PDE10A: variants seen among roughly 807,000 people sequenced by gnomAD.
PDE10A encodes the protein phosphodiesterase 10A.
In PDE10A, 39 loss-of-function variants were observed where a neutral mutation model predicts 97.7. The observed-to-expected ratio is 0.40, with a 90% CI of 0.31 to 0.52. The LOEUF (loss-of-function observed/expected upper bound fraction) is 0.52, where lower values mean the gene tolerates loss of function less well. Among genes scored for constraint, PDE10A ranks in the 20% least tolerant of loss-of-function variants. The pLI is 0.56. For missense variants in PDE10A, 731 were observed against 1,047.8 expected (o/e 0.70, Z 4.17); for synonymous variants, 371 against 376.8 (o/e 0.98, Z 0.18).
chr6:165,831,546 C>T (rs1416520678), intron 1 of PDE10A, among the ~76,000 whole-genome samples: 7 of 146,646 alleles, frequency 4.8e-5, no homozygotes, highest in Non-Finnish European at 9.0e-5. Context: ...GGCACGATCT[C>T]GGCTCACTGC....
chr6:165,973,423 A>ACT (rs1554233524), intron 1 of PDE10A, among the ~76,000 whole-genome samples: 1 of 147,522 alleles, frequency 6.8e-6, no homozygotes. Flanking sequence ...CAAAAAAAAA[A>ACT]AAAATAAAAT....
At chr6:165,399,288 A>T (rs1786435597) in intron 13 of PDE10A, among the ~76,000 whole-genome samples, 1 of 152,182 alleles carries the variant, frequency 6.6e-6, no homozygotes, top group Non-Finnish European at 1.5e-5. Flanking sequence ...ACCCAATCAA[A>T]ATCCCAGTAG....
intron 13 of PDE10A, among the ~76,000 whole-genome samples, chr6:165,407,951 G>A (rs1787347853): frequency 6.6e-6 from 1 of 152,136 alleles, no homozygotes; most frequent in Admixed American, 6.6e-5. Context: ...TAAATAAAAG[G>A]AATGTATTCA....
At chr6:165,644,116 C>T (rs754398123) in intron 1 of PDE10A, among the ~76,000 whole-genome samples, 1 of 152,112 alleles carries the variant, frequency 6.6e-6, no homozygotes. Context: ...AGTGCAGTGG[C>T]GTGATCTTGG....
At chr6:165,922,222 A>G (rs1468508724) in intron 1 of PDE10A, among the ~76,000 whole-genome samples, 1 of 152,304 alleles carries the variant, frequency 6.6e-6, no homozygotes, top group African/African-American at 2.4e-5. Flanking sequence ...CACAATTTCC[A>G]ATATCATTGA....
At chr6:165,667,365 T>C (rs1428574195), upstream of PDE10A, among the ~76,000 whole-genome samples, 1 of 152,182 alleles carries the variant, frequency 6.6e-6, no homozygotes, top group East Asian at 1.9e-4. Flanking sequence ...AAATTATTTT[T>C]ATTAATTCCA....
At chr6:165,376,576 A>T (rs9459405) in intron 18 of PDE10A, among the ~76,000 whole-genome samples, 1,634 of 152,342 alleles carry the variant, frequency 0.011, 27 homozygotes, top group African/African-American at 0.038. Flanking sequence ...TGAAAGGAAG[A>T]GTCCATTGAT....
chr6:165,519,243 C>T (rs1781994402), intron 2 of PDE10A, among the ~76,000 whole-genome samples: 1 of 151,958 alleles, frequency 6.6e-6, no homozygotes, highest in African/African-American at 2.4e-5. Context: ...TGACCGACTA[C>T]CCCCAAGAGG....
chr6:165,798,085 A>G (rs985147030), intron 1 of PDE10A, among the ~76,000 whole-genome samples: 1 of 152,246 alleles, frequency 6.6e-6, no homozygotes, highest in Admixed American at 6.5e-5. Context: ...TCTTTAAAAC[A>G]TACTTGAATA....
chr6:165,822,910 C>T (rs890295499), intron 1 of PDE10A, among the ~76,000 whole-genome samples: 6 of 152,094 alleles, frequency 3.9e-5, no homozygotes, highest in Admixed American at 1.3e-4. Context: ...TCTCAGCTCA[C>T]TGCAAGCTCC....
At chr6:165,769,624 C>A (rs910367152) in intron 1 of PDE10A, among the ~76,000 whole-genome samples, 2 of 152,134 alleles carry the variant, frequency 1.3e-5, no homozygotes, top group Non-Finnish European at 2.9e-5. Context: ...TAGTTTTTTT[C>A]TACCCTGTGA....
chr6:165,385,842 G>A (rs552020617), intron 17 of PDE10A, among the ~76,000 whole-genome samples: 4 of 152,128 alleles, frequency 2.6e-5, no homozygotes, highest in South Asian at 2.1e-4. Context: ...TTGGTCAATC[G>A]AACATATAAA....
chr6:165,593,699 T>G (rs570324556), intron 1 of PDE10A, among the ~76,000 whole-genome samples: 1 of 152,240 alleles, frequency 6.6e-6, no homozygotes, highest in African/African-American at 2.4e-5. Context: ...AAACATTTTA[T>G]TATAACTTGC....
intron 1 of PDE10A, among the ~76,000 whole-genome samples, chr6:165,706,726 A>T (rs1223522720): frequency 6.6e-6 from 1 of 152,204 alleles, no homozygotes; most frequent in Non-Finnish European, 1.5e-5. Context: ...TTTGTGAACT[A>T]ATATTAGGAG....
At chr6:165,680,685 C>T (rs1790950769) in intron 1 of PDE10A, among the ~76,000 whole-genome samples, 3 of 152,168 alleles carry the variant, frequency 2.0e-5, no homozygotes, top group African/African-American at 7.2e-5. Flanking sequence ...GGGCAGATCA[C>T]TTGAGGTCAA....
At chr6:165,586,222 A>G (rs946769108) in intron 1 of PDE10A, among the ~76,000 whole-genome samples, 23 of 152,348 alleles carry the variant, frequency 1.5e-4, no homozygotes, top group African/African-American at 5.3e-4. Flanking sequence ...CCTTAGCTCA[A>G]GTAAACTTTT....
At chr6:165,545,231 T>G in intron 1 of PDE10A, 1 of 502,740 alleles carries the variant, frequency 2.0e-6, no homozygotes, top group Non-Finnish European at 3.9e-6. Context: ...TCTTCAACAA[T>G]CCATAATGAC....
intron 1 of PDE10A, among the ~76,000 whole-genome samples, chr6:165,877,679 A>G (rs1781379456): frequency 6.6e-6 from 1 of 152,164 alleles, no homozygotes; most frequent in Non-Finnish European, 1.5e-5. Context: ...AAAAAATCTT[A>G]TCTTAATGTG....
At chr6:165,607,346 T>C (rs560397840) in intron 1 of PDE10A, among the ~76,000 whole-genome samples, 4 of 152,338 alleles carry the variant, frequency 2.6e-5, no homozygotes, top group African/African-American at 9.6e-5. Context: ...CTTAAAAATA[T>C]TTATTGACTG....
Sources: gnomAD v4.1 joint callset for allele counts (sites outside exome capture counted in the v4.1 genomes callset) on GRCh38, gnomAD v4.1.1 for gene constraint, MANE v1.5 for transcripts, NCBI Gene and HGNC (gene_info 2026-07-23, HGNC 2026-07-21) for gene names.